Variants in RBM20 observed in about 807,000 individuals in gnomAD.
The protein encoded by RBM20 is RNA-binding protein 20.
A neutral mutation model predicts 110.1 loss-of-function variants in RBM20; 51 were observed. That is an observed-to-expected ratio of 0.46 (90% confidence interval 0.37 to 0.59). The LOEUF (loss-of-function observed/expected upper bound fraction) is 0.59, where lower values mean the gene tolerates loss of function less well. Among genes scored for constraint, RBM20 ranks in the 20% least tolerant of loss-of-function variants. RBM20 has a pLI of 0.00. For missense variants in RBM20, 1,512 were observed against 1,574.9 expected (o/e 0.96, Z 0.68); for synonymous variants, 589 against 618.2 (o/e 0.95, Z 0.70).
chr10:110,819,951 A>C, intron 9 of RBM20, 121 bp from the exon 10 acceptor site: 1 of 576,576 alleles, frequency 1.7e-6, no homozygotes, highest in Middle Eastern at 2.9e-4. Context: ...GGGAGGATAA[A>C]GGAAATGCTG....
intron 1 of RBM20, among the ~76,000 whole-genome samples, chr10:110,775,898 GT>G (rs1480127884): frequency 1.3e-5 from 2 of 152,206 alleles, no homozygotes; most frequent in African/African-American, 4.8e-5. Context: ...TTCCTAGGAA[GT>G]CATCAAGGAG....
intron 1 of RBM20, among the ~76,000 whole-genome samples, chr10:110,744,416 T>A (rs1386790901): frequency 6.6e-6 from 1 of 152,136 alleles, no homozygotes; most frequent in Non-Finnish European, 1.5e-5. Context: ...ACCAAGGTGA[T>A]GAAAGGTGAA....
intron 1 of RBM20, among the ~76,000 whole-genome samples, chr10:110,751,019 G>A (rs1342850603): frequency 6.6e-6 from 1 of 152,220 alleles, no homozygotes; most frequent in East Asian, 1.9e-4. Flanking sequence ...GAGTGACGTA[G>A]GGCATGCTTT....
At chr10:110,794,634 G>A (rs1844527311) in intron 5 of RBM20, among the ~76,000 whole-genome samples, 1 of 152,170 alleles carries the variant, frequency 6.6e-6, no homozygotes, top group South Asian at 2.1e-4. Flanking sequence ...CTATTATCTG[G>A]AAGAATACTA....
rs115553887 is a variant in RBM20 at position 110,833,697 on chromosome 10, G to A, written c.3574-2171G>A. 5.1e-3 allele frequency among the ~76,000 whole-genome samples: 783 copies of A among 152,238 alleles called. 4 individuals carry two copies. Among genetic ancestry groups the A allele is most frequent in the African/African-American group, 0.017 (722 of 41,534 alleles). ...ACTGTGTTCTGAGCCTCTGGGCCAC[G>A]CCCCCAGGCAGACTCCCCTCCCCGC... On this transcript the variant is annotated intron_variant, in intron 13 of 13. Coordinates refer to ENST00000369519, the MANE Select transcript of RBM20 (RefSeq NM_001134363.3).
rs1326742551 is a variant in RBM20 at position 110,699,285 on chromosome 10, C to T, written c.191+54640C>T. ...CTTTTTTTTTTTTTTTTTCCTGAGA[C>T]GGAGTCTTACTCTTGCTCTGTCTCC... On this transcript the variant is annotated intron_variant, in intron 1 of 13. Coordinates refer to ENST00000369519, the MANE Select transcript of RBM20 (RefSeq NM_001134363.3). Among the ~76,000 whole-genome samples, 22 of 131,392 alleles carry T rather than the reference C, an allele frequency of 1.7e-4. No individual in the cohort carries two copies. In the East Asian group the frequency reaches 2.1e-3, roughly 12 times the overall value. The allele number at this position is 131,392 out of a possible 152,430, so 86.2% of individuals were successfully genotyped here. A position where few individuals can be genotyped will look rare whatever the true frequency, so the allele number is the denominator to read the frequency against.
At chr10:110,702,103 CAA>C (rs1862767367) in intron 1 of RBM20, among the ~76,000 whole-genome samples, 1 of 147,956 alleles carries the variant, frequency 6.8e-6, no homozygotes, top group South Asian at 2.2e-4. Flanking sequence ...ATGTGCTCCC[CAA>C]TGTGCCCACC....
chr10:110,813,491 T>A (rs1844802009), intron 9 of RBM20, among the ~76,000 whole-genome samples: 2 of 152,180 alleles, frequency 1.3e-5, no homozygotes, highest in Admixed American at 1.3e-4. Context: ...ACCTGCTAAA[T>A]TAAACTGGGT....
chr10:110,723,873 T>C (rs965137542), intron 1 of RBM20, among the ~76,000 whole-genome samples: 1 of 152,166 alleles, frequency 6.6e-6, no homozygotes, highest in African/African-American at 2.4e-5. Context: ...TGATTTTCAG[T>C]TCATATGAAA....
chr10:110,669,255 G>C (rs1334367071), intron 1 of RBM20, among the ~76,000 whole-genome samples: 1 of 152,226 alleles, frequency 6.6e-6, no homozygotes, highest in Non-Finnish European at 1.5e-5. Flanking sequence ...TAGCCTGAGA[G>C]GGAAGCACTG....
At chr10:110,770,545 C>G (rs541412454) in intron 1 of RBM20, among the ~76,000 whole-genome samples, 1 of 152,198 alleles carries the variant, frequency 6.6e-6, no homozygotes, top group Non-Finnish European at 1.5e-5. Flanking sequence ...CTTCCTCCCC[C>G]ACTGGCCCAC....
chr10:110,704,113 A>AAAAAT (rs1206340849), intron 1 of RBM20, among the ~76,000 whole-genome samples: 1 of 152,240 alleles, frequency 6.6e-6, no homozygotes, highest in Non-Finnish European at 1.5e-5. Flanking sequence ...CTCTGTCTCA[A>AAAAAT]AAAATAAAAT....
rs377318580 is a variant in RBM20 at position 110,737,782 on chromosome 10, T to A, written c.192-43019T>A. On this transcript the variant is annotated intron_variant, in intron 1 of 13. Coordinates refer to ENST00000369519, the MANE Select transcript of RBM20 (RefSeq NM_001134363.3). The stretch of plus-strand genomic sequence containing the variant: ...GCTGTGTAGTATTCCATTACAGGAA[T>A]ACACCACTATTTATTCATTCTACTC... 3.3e-5 allele frequency among the ~76,000 whole-genome samples: 5 copies of A among 152,254 alleles called. No homozygotes were observed. In the East Asian group the frequency reaches 7.7e-4, roughly 23 times the overall value.
chr10:110,672,271 G>A (rs1461023005), intron 1 of RBM20, among the ~76,000 whole-genome samples: 1 of 152,208 alleles, frequency 6.6e-6, no homozygotes, highest in Non-Finnish European at 1.5e-5. Context: ...CGGAGAGGTC[G>A]CAGCACTTGT....
In RBM20 at chr10:110,781,689, A is replaced by T. The variant is rs397516591; in HGVS notation, c.1080A>T (p.Thr360=). 3 of 1,549,878 alleles carry T rather than the reference A, an allele frequency of 1.9e-6. No individual in the cohort carries two copies. The highest frequency in any genetic ancestry group is 1.7e-4 in the Middle Eastern group (1 of 5,982). ...CCGAGGAACCAACCTCAGACAGGACACCTCCTTCCTTCGGGGGTCGGCTTA... is the reference window on the plus strand; with the variant it reads ...CCGAGGAACCAACCTCAGACAGGACTCCTCCTTCCTTCGGGGGTCGGCTTA... The part of the protein sequence containing the change: ...YDPEEPTSDR[T]PPSFGGRLNN... The change falls in exon 2 of 14, where the codon ACA becomes ACT. Residue 360 remains threonine (T), a synonymous_variant. Transcript: ENST00000369519.
At chr10:110,697,093 T>C (rs946076130) in intron 1 of RBM20, among the ~76,000 whole-genome samples, 2 of 152,238 alleles carry the variant, frequency 1.3e-5, no homozygotes, top group Non-Finnish European at 2.9e-5. Context: ...AGGCTTGATA[T>C]GACTTTGAGT....
chr10:110,684,064 T>C (rs1280612403), intron 1 of RBM20, among the ~76,000 whole-genome samples: 2 of 152,188 alleles, frequency 1.3e-5, no homozygotes, highest in Admixed American at 6.5e-5. Flanking sequence ...ATGGAAATAA[T>C]TTTTCTACAG....
At chr10:110,703,870 G>A (rs1323986596) in intron 1 of RBM20, among the ~76,000 whole-genome samples, 1 of 152,208 alleles carries the variant, frequency 6.6e-6, no homozygotes, top group Non-Finnish European at 1.5e-5. Flanking sequence ...CCAGCATTTT[G>A]GGAGGCCACG....
chr10:110,767,622 G>A (rs1490052459), intron 1 of RBM20, among the ~76,000 whole-genome samples: 1 of 151,762 alleles, frequency 6.6e-6, no homozygotes, highest in Non-Finnish European at 1.5e-5. Context: ...CGGGGCGGAC[G>A]GGCAGAGACG....
Sources: allele counts gnomAD v4.1 joint callset (sites outside exome capture counted in the v4.1 genomes callset), GRCh38; gene constraint gnomAD v4.1.1; transcripts MANE v1.5; gene names NCBI Gene and HGNC (gene_info 2026-07-23, HGNC 2026-07-21).